Variants in KIAA0586 observed in about 807,000 individuals in gnomAD.
KIAA0586 encodes protein TALPID3.
In KIAA0586, 144 loss-of-function variants were observed where a neutral mutation model predicts 169.8. The observed-to-expected ratio is 0.85, with a 90% CI of 0.74 to 0.97. The LOEUF (loss-of-function observed/expected upper bound fraction) is 0.97, where lower values mean the gene tolerates loss of function less well. KIAA0586 is among the 50% of genes least tolerant of loss of function. The pLI is 0.00. For synonymous variants in KIAA0586, 625 were observed against 612.4 expected, an observed-to-expected ratio of 1.02 and a Z score of -0.30; for missense variants, 1,854 against 1,823.0, an observed-to-expected ratio of 1.02 and a Z score of -0.31.
intron 2 of KIAA0586, among the ~76,000 whole-genome samples, chr14:58,430,078 G>A (rs1185484969): frequency 6.6e-6 from 1 of 151,854 alleles, no homozygotes; most frequent in Non-Finnish European, 1.5e-5. Flanking sequence ...TGACAATTTT[G>A]TCAAAAGCTC....
At chr14:58,439,617 T>C (rs916570033) in intron 4 of KIAA0586, among the ~76,000 whole-genome samples, 125 of 152,354 alleles carry the variant, frequency 8.2e-4, no homozygotes, top group African/African-American at 2.9e-3. Flanking sequence ...AGCTCTATAA[T>C]TCTATGACAC....
intron 29 of KIAA0586, among the ~76,000 whole-genome samples, chr14:58,519,970 T>A (rs2045075781): frequency 6.6e-6 from 1 of 152,218 alleles, no homozygotes; most frequent in South Asian, 2.1e-4. Context: ...TAATCTAAAG[T>A]GATTTTTATT....
At chr14:58,540,195 T>C in intron 30 of KIAA0586, 59 bp downstream of exon 30, 1 of 909,854 alleles carries the variant, frequency 1.1e-6, no homozygotes, top group South Asian at 1.5e-5. Context: ...TTTCATTTCC[T>C]GATGATTCTT....
rs902237416 is a variant in KIAA0586, at chr14:58,548,084, G to T, written c.*152G>T. 6 of 900,816 alleles carry T rather than the reference G, an allele frequency of 6.7e-6. No individual in the cohort carries two copies. Among genetic ancestry groups the T allele is most frequent in the Non-Finnish European group, 1.6e-6 (1 of 618,536 alleles). The allele number at this position is 900,816 out of a possible 1,614,324, so 55.8% of individuals were successfully genotyped here. A position where few individuals can be genotyped will look rare whatever the true frequency, so the allele number is the denominator to read the frequency against. The stretch of plus-strand genomic sequence containing the variant: ...AAATAAAACAAAAAGCATAATTTGG[G>T]TATTTAAAGTTTTTAAATAAAATAA... On this transcript the variant is annotated 3_prime_UTR_variant, in exon 31 of 31. Transcript: ENST00000652326.
chr14:58,533,375 A>C (rs1487112716), intron 29 of KIAA0586, among the ~76,000 whole-genome samples: 2 of 152,250 alleles, frequency 1.3e-5, no homozygotes, highest in Admixed American at 1.3e-4. Context: ...CTGTACACCA[A>C]ACTTCAATTA....
intron 6 of KIAA0586, among the ~76,000 whole-genome samples, chr14:58,444,867 G>A (rs1231679153): frequency 6.8e-6 from 1 of 147,040 alleles, no homozygotes; most frequent in Non-Finnish European, 1.5e-5. Flanking sequence ...GCTTGAGGCC[G>A]AGAGTTCAAG....
Position 58,498,905 on chromosome 14 carries a change from T to C in KIAA0586, c.4113T>C (p.Ser1371=), listed in dbSNP as rs200906427. 2.0e-5 allele frequency: 32 copies of C among 1,611,918 alleles called. No homozygotes were observed. The East Asian group carries it at 7.1e-4, about 36-fold the overall frequency. ...AGCCACCTGTCACTAATACACAGTC[T>C]TTGGATCAACAATGTGATCCTAAAC... The part of the protein sequence containing the change: ...YMQPPVTNTQ[S]LDQQCDPKPL... Residue 1371 remains serine, a synonymous_variant, in exon 27 of 31, where the codon TCT becomes TCC. Coordinates refer to ENST00000652326, the MANE Select transcript of KIAA0586 (RefSeq NM_001329943.3).
At chr14:58,561,871 A>C in the KIAA0586 span, among the ~76,000 whole-genome samples, 3 of 152,128 alleles carry the variant, frequency 2.0e-5, no homozygotes, top group African/African-American at 7.2e-5. Context: ...AATTAGATGC[A>C]TCTTGAATTC....
chr14:58,467,881 A>T lies in KIAA0586; in HGVS notation c.2401A>T (p.Met801Leu). Residue 801 changes from methionine to leucine, a missense_variant, in exon 16 of 31, where the codon ATG becomes TTG. Physicochemically the swap from Met to Leu is conservative, Grantham distance 15. Transcript: ENST00000652326. Reference sequence around the variant, plus strand: ...GAAACCTAACATAGCCATTGTAGAAATGAAGTCAGAAAAAAAGGATCCTCC... The same window carrying T: ...GAAACCTAACATAGCCATTGTAGAATTGAAGTCAGAAAAAAAGGATCCTCC... ...VKKPNIAIVEMKSEKKDPPQL... is the reference protein window; with the variant it reads ...VKKPNIAIVELKSEKKDPPQL... 6.2e-7 allele frequency: 1 copy of T among 1,613,748 alleles called. No individual in the cohort carries two copies. The highest frequency in any genetic ancestry group is 8.5e-7 in the Non-Finnish European group (1 of 1,179,764).
chr14:58,558,370 T>C, the KIAA0586 span, among the ~76,000 whole-genome samples: 1 of 152,222 alleles, frequency 6.6e-6, no homozygotes, highest in Non-Finnish European at 1.5e-5. Flanking sequence ...TTAGAAATTT[T>C]CAGGTAGAGT....
chr14:58,535,373 C>T (rs2046216512), intron 29 of KIAA0586, among the ~76,000 whole-genome samples: 1 of 150,354 alleles, frequency 6.7e-6, no homozygotes, highest in African/African-American at 2.4e-5. Flanking sequence ...CAGGCACTCT[C>T]TCTGTCATAA....
In KIAA0586 at chr14:58,547,872, GTC is replaced by G. The variant is rs1257959997; in HGVS notation, c.4591_4592del (p.Leu1531GlufsTer33). 1 of 1,613,770 alleles carries G rather than the reference GTC, an allele frequency of 6.2e-7. No homozygotes were observed. Among genetic ancestry groups the G allele is most frequent in the Non-Finnish European group, 8.5e-7 (1 of 1,179,744 alleles). On this transcript the variant is annotated frameshift_variant, in exon 31 of 31. Coordinates refer to ENST00000652326, the MANE Select transcript of KIAA0586 (RefSeq NM_001329943.3). LOFTEE classifies it high-confidence loss of function. Reference protein sequence around the residue: ...PSVNLEDCSQSLSLSTMQEDM... With the variant: ...PSVNLEDCSQXLSLSTMQEDM... ...CAGTGAACCTCGAGGACTGCTCTCA[GTC>G]TCTGAGTCTCAGCACAATGCAGGAG...
At chr14:58,496,287 G>A (rs2043152970) in intron 26 of KIAA0586, among the ~76,000 whole-genome samples, 1 of 152,168 alleles carries the variant, frequency 6.6e-6, no homozygotes, top group Non-Finnish European at 1.5e-5. Context: ...ATACTTATGA[G>A]TATGAGACCA....
intron 4 of KIAA0586, among the ~76,000 whole-genome samples, chr14:58,434,585 T>G (rs758437458): frequency 7.2e-5 from 11 of 152,246 alleles, no homozygotes; most frequent in Non-Finnish European, 1.5e-4. Flanking sequence ...TTCATCATGC[T>G]ATTGTAATTT....
chr14:58,488,603 A>AT lies in KIAA0586; in HGVS notation c.3528-17dup. On this transcript the variant is annotated splice_polypyrimidine_tract_variant and intron_variant, in intron 23 of 30. Coordinates refer to ENST00000652326, the MANE Select transcript of KIAA0586 (RefSeq NM_001329943.3). Reference sequence around the variant, plus strand: ...TTCAGTGACCTAACAAGCTCCAAATATGTCTTTATTTTCTTAGTGTAATGT... The same window carrying AT: ...TTCAGTGACCTAACAAGCTCCAAATATTGTCTTTATTTTCTTAGTGTAATGT... The AT allele has an allele frequency of 6.2e-7, 1 of 1,612,176 alleles. No individual in the cohort carries two copies. Among genetic ancestry groups the AT allele is most frequent in the South Asian group, 1.1e-5 (1 of 90,938 alleles).
chr14:58,495,264 GTA>G (rs941864912), intron 26 of KIAA0586, among the ~76,000 whole-genome samples: 12 of 151,930 alleles, frequency 7.9e-5, no homozygotes, highest in Non-Finnish European at 1.6e-4. Context: ...TTGTGTATAT[GTA>G]TATGTGTGTA....
rs531142171 is a variant in KIAA0586, at chr14:58,429,328, T to TA, written c.200-31dup. The TA allele has an allele frequency of 5.2e-4, 681 of 1,310,576 alleles. 3 individuals are homozygous for TA. Among genetic ancestry groups the TA allele is most frequent in the Middle Eastern group, 3.9e-3 (21 of 5,376 alleles). The allele number at this position is 1,310,576 out of a possible 1,614,324, so 81.2% of individuals were successfully genotyped here. ...GTTTCTAAAGCTAAGGATCTGATTT[T>TA]AAAATCACTAAAATCTATTCCTTTG... On this transcript the variant is annotated intron_variant, in intron 1 of 30. Coordinates refer to ENST00000652326, the MANE Select transcript of KIAA0586 (RefSeq NM_001329943.3).
the KIAA0586 span, among the ~76,000 whole-genome samples, chr14:58,556,805 G>T: frequency 6.6e-6 from 1 of 152,134 alleles, no homozygotes; most frequent in Admixed American, 6.6e-5. Context: ...GAGTGCAATG[G>T]CTCGATCTCG....
chr14:58,430,820 T>C (rs755221613), intron 3 of KIAA0586, 103 bp downstream of exon 3: 9 of 641,944 alleles, frequency 1.4e-5, no homozygotes, highest in Non-Finnish European at 2.2e-5. Flanking sequence ...TACATTCACA[T>C]TGTTGTACAA....
Sources: gnomAD v4.1 joint callset for allele counts (sites outside exome capture counted in the v4.1 genomes callset) on GRCh38, gnomAD v4.1.1 for gene constraint, MANE v1.5 for transcripts, NCBI Gene and HGNC (gene_info 2026-07-23, HGNC 2026-07-21) for gene names.